CEP63: variants seen among roughly 807,000 people sequenced by gnomAD.
CEP63 encodes the protein centrosomal protein of 63 kDa.
A neutral mutation model predicts 89.1 loss-of-function variants in CEP63; 84 were observed. The observed-to-expected ratio is 0.94, with a 90% CI of 0.79 to 1.13. The LOEUF (loss-of-function observed/expected upper bound fraction) is 1.13, where lower values mean the gene tolerates loss of function less well. CEP63 is among the 50% of genes most tolerant of loss of function. The pLI, the probability that CEP63 is intolerant of heterozygous loss-of-function variation, is 0.00. For missense variants in CEP63, 838 were observed against 813.3 expected, an observed-to-expected ratio of 1.03 and a Z score of -0.37; for synonymous variants, 267 against 272.5, an observed-to-expected ratio of 0.98 and a Z score of 0.20.
intron 6 of CEP63, among the ~76,000 whole-genome samples, 161 bp from the exon 7 acceptor site, chr3:134,545,425 C>G (rs1953063734): frequency 6.6e-6 from 1 of 150,870 alleles, no homozygotes; most frequent in African/African-American, 2.4e-5. Context: ...CCACCACTCC[C>G]AGCCTCTCAA....
At chr3:134,766,735 G>T in the CEP63 span, among the ~76,000 whole-genome samples, 1 of 152,204 alleles carries the variant, frequency 6.6e-6, no homozygotes, top group Non-Finnish European at 1.5e-5. Context: ...GGAGGGTGCT[G>T]GTCAGAGGAG....
the CEP63 span, among the ~76,000 whole-genome samples, chr3:134,751,197 C>T: frequency 2.0e-5 from 3 of 152,146 alleles, no homozygotes; most frequent in African/African-American, 7.2e-5. Context: ...ATTTAAAAGT[C>T]CATCCATGTT....
At chr3:134,603,559 GT>G in the CEP63 span, 1 of 1,552,954 alleles carries the variant, frequency 6.4e-7, no homozygotes, top group Non-Finnish European at 8.7e-7. Context: ...CTTTGGGAGG[GT>G]AAGACCGGGG....
chr3:134,574,793 A>G, exon 12 of CEP63: 2 of 594,990 alleles, frequency 3.4e-6, no homozygotes, highest in South Asian at 1.9e-5. Flanking sequence ...TTTTTTGTAG[A>G]GATGGGGTTT....
At chr3:134,685,281 G>A in the CEP63 span, among the ~76,000 whole-genome samples, 2 of 151,954 alleles carry the variant, frequency 1.3e-5, no homozygotes, top group African/African-American at 4.8e-5. Context: ...AGACTTTGGG[G>A]GAACTCTGAC....
chr3:134,677,491 G>A, the CEP63 span, among the ~76,000 whole-genome samples: 1 of 152,098 alleles, frequency 6.6e-6, no homozygotes, highest in African/African-American at 2.4e-5. Flanking sequence ...CAGGGTTGGT[G>A]CCCACCTACC....
At chr3:134,545,950 A>T (rs1428343925) in intron 7 of CEP63, 131 bp downstream of exon 7, 1 of 831,866 alleles carries the variant, frequency 1.2e-6, no homozygotes, top group Non-Finnish European at 1.9e-6. Flanking sequence ...TCAGATATTG[A>T]TAGTTTTACT....
chr3:134,723,097 G>A, the CEP63 span, among the ~76,000 whole-genome samples: 1 of 152,144 alleles, frequency 6.6e-6, no homozygotes, highest in Admixed American at 6.5e-5. Context: ...CATCCTTATG[G>A]CTGCTGGCTT....
intron 14 of CEP63, among the ~76,000 whole-genome samples, 180 bp from the exon 15 acceptor site, chr3:134,561,197 C>T (rs1957280013): frequency 6.6e-6 from 1 of 152,102 alleles, no homozygotes; most frequent in African/African-American, 2.4e-5. Flanking sequence ...TTAATTTTTG[C>T]AGAACTTACT....
chr3:134,528,569 C>CGTGTGTGT (rs34415967), intron 3 of CEP63, among the ~76,000 whole-genome samples: 4,216 of 146,830 alleles, frequency 0.029, 95 homozygotes, highest in East Asian at 0.054. Flanking sequence ...TGTGTGTGTG[C>CGTGTGTGT]GTGTGTGTGT....
downstream of CEP63, among the ~76,000 whole-genome samples, chr3:134,566,921 T>G (rs1340363509): frequency 6.6e-6 from 1 of 152,146 alleles, no homozygotes; most frequent in African/African-American, 2.4e-5. Flanking sequence ...CCTAAATATA[T>G]GCTCAAGAAA....
rs1224857277 is a variant in CEP63 at position 134,537,126 on chromosome 3, GAAATTAAGTACTCT to G, written c.442-26_442-13del. 1 of 1,395,304 alleles carries G rather than the reference GAAATTAAGTACTCT, an allele frequency of 7.2e-7. No individual in the cohort carries two copies. The highest frequency in any genetic ancestry group is 2.3e-5 in the East Asian group (1 of 43,780). 86.4% of individuals were successfully genotyped at this position (1,395,304 alleles called of 1,614,324 possible). On this transcript the variant is annotated splice_polypyrimidine_tract_variant and intron_variant, in intron 5 of 14. Coordinates refer to ENST00000675561, the MANE Select transcript of CEP63 (RefSeq NM_001353108.3). ...TAGTGACAGTGAGGAGAAGCACTCA[GAAATTAAGTACTCT>G]AATTGCCTCCTCAGGAATTCCGTCA...
chr3:134,645,038 A>C, the CEP63 span, among the ~76,000 whole-genome samples: 11 of 152,228 alleles, frequency 7.2e-5, no homozygotes, highest in African/African-American at 2.7e-4. Flanking sequence ...CGGGAAGGGA[A>C]TCCTCAAGGA....
the CEP63 span, among the ~76,000 whole-genome samples, chr3:134,609,137 G>C: frequency 7.8e-3 from 1,191 of 152,342 alleles, 8 homozygotes; most frequent in Middle Eastern, 0.01. Context: ...AAGTTCAAAG[G>C]GGGGAAAGGC....
intron 1 of CEP63, among the ~76,000 whole-genome samples, chr3:134,492,379 A>G (rs1334856762): frequency 2.0e-5 from 3 of 152,196 alleles, no homozygotes; most frequent in African/African-American, 7.2e-5. Flanking sequence ...TTGGTTAGGA[A>G]AAGAATCAGT....
chr3:134,650,727 G>T, the CEP63 span: 1 of 1,185,162 alleles, frequency 8.4e-7, no homozygotes, highest in Non-Finnish European at 1.1e-6. Context: ...CGCTGACCTC[G>T]TTCGGGGGAG....
In CEP63 at chr3:134,507,286, G is replaced by A. The variant is rs777134369; in HGVS notation, c.222G>A (p.Glu74=). 7.0e-5 allele frequency: 113 copies of A among 1,604,902 alleles called. No homozygotes were observed. The highest frequency in any genetic ancestry group is 2.0e-4 in the Admixed American group (12 of 59,510). The change falls in exon 3 of 15, where the codon GAG becomes GAA. Residue 74 remains glutamate, a splice_region_variant and synonymous_variant. Transcript: ENST00000675561. ...LRSQLDVTHK[E]VGMLHQQVEE... is the part of the protein sequence containing the mutation. ...GTCAGTTGGATGTGACACATAAGGA[G>A]GTAAAGCAATTTATTTGTTCTTCTT... is the stretch of plus-strand genomic sequence containing the variant.
At chr3:134,706,845 T>C in the CEP63 span, among the ~76,000 whole-genome samples, 1 of 152,198 alleles carries the variant, frequency 6.6e-6, no homozygotes, top group Non-Finnish European at 1.5e-5. Flanking sequence ...GGCTCGTAGA[T>C]GCATCCTGCA....
At chr3:134,510,296 T>C (rs139885636) in intron 3 of CEP63, among the ~76,000 whole-genome samples, 9 of 152,356 alleles carry the variant, frequency 5.9e-5, no homozygotes, top group Non-Finnish European at 1.0e-4. Flanking sequence ...GAATTAATGG[T>C]AATTTGTGAA....
Sources: gnomAD v4.1 joint callset for allele counts (sites outside exome capture counted in the v4.1 genomes callset) on GRCh38, gnomAD v4.1.1 for gene constraint, MANE v1.5 for transcripts, NCBI Gene and HGNC (gene_info 2026-07-23, HGNC 2026-07-21) for gene names.